DLG2: variants seen among roughly 807,000 people sequenced by gnomAD.
The protein encoded by DLG2 is discs large MAGUK scaffold protein 2.
Under a neutral mutation model 132.5 loss-of-function variants are expected in DLG2, and 45 were observed. The ratio of observed to expected loss-of-function variants is 0.34; its 90% CI spans 0.27 to 0.44. The LOEUF is 0.44. Among genes scored for constraint, DLG2 ranks in the 20% least tolerant of loss-of-function variants. The probability of loss-of-function intolerance (pLI) is 1.00; values close to 1 mark genes in which losing one functional copy is unlikely to be tolerated. For missense variants in DLG2, 1,045 were observed against 1,196.9 expected, an observed-to-expected ratio of 0.87 and a Z score of 1.87; for synonymous variants, 424 against 419.6, an observed-to-expected ratio of 1.01 and a Z score of -0.13.
At chr11:84,243,138 C>T (rs2097257921) in intron 8 of DLG2, among the ~76,000 whole-genome samples, 2 of 151,930 alleles carry the variant, frequency 1.3e-5, no homozygotes, top group South Asian at 2.1e-4. Context: ...TTGCCTACAA[C>T]AGCTCTGTCT....
At chr11:85,474,239 AC>A (rs1309697496) in intron 3 of DLG2, among the ~76,000 whole-genome samples, 7 of 152,032 alleles carry the variant, frequency 4.6e-5, no homozygotes, top group African/African-American at 1.7e-4. Flanking sequence ...AGACTAATTT[AC>A]CAAAAAAATA....
intron 7 of DLG2, among the ~76,000 whole-genome samples, chr11:84,468,492 T>G (rs1231432224): frequency 6.6e-6 from 1 of 151,510 alleles, no homozygotes; most frequent in Non-Finnish European, 1.5e-5. Flanking sequence ...CTGCAATGAT[T>G]TAACACACCA....
intron 6 of DLG2, among the ~76,000 whole-genome samples, chr11:84,877,512 C>CTTTTTTTTTTTTTTTTTTT (rs60339036): frequency 1.6e-4 from 9 of 57,452 alleles, no homozygotes; most frequent in Middle Eastern, 0.025. Flanking sequence ...GCAACCCCTG[C>CTTTTTTTTTTTTTTTTTTT]TTTTTTTTTT....
chr11:84,874,671 G>A (rs534348251), intron 6 of DLG2, among the ~76,000 whole-genome samples: 3 of 152,266 alleles, frequency 2.0e-5, no homozygotes, highest in African/African-American at 7.2e-5. Flanking sequence ...ATTCATGTGA[G>A]AGATGATTCC....
intron 18 of DLG2, among the ~76,000 whole-genome samples, chr11:83,743,835 G>A (rs12792825): frequency 0.041 from 6,242 of 152,174 alleles, 183 homozygotes; most frequent in Middle Eastern, 0.096. Context: ...GGGATTACAC[G>A]AATGAAAACA....
At chr11:83,657,910 T>TA (rs966165400) in intron 18 of DLG2, among the ~76,000 whole-genome samples, 1 of 152,138 alleles carries the variant, frequency 6.6e-6, no homozygotes, top group Non-Finnish European at 1.5e-5. Flanking sequence ...TAGTTGCCTA[T>TA]AAAAAATAGA....
At chr11:84,011,273 C>A (rs1418743434) in intron 11 of DLG2, among the ~76,000 whole-genome samples, 4 of 151,868 alleles carry the variant, frequency 2.6e-5, no homozygotes, top group African/African-American at 7.3e-5. Flanking sequence ...GAGTTTAGAC[C>A]AGCCTGGGCA....
chr11:84,009,443 T>G (rs2094760231), intron 11 of DLG2, among the ~76,000 whole-genome samples: 1 of 152,114 alleles, frequency 6.6e-6, no homozygotes, highest in Non-Finnish European at 1.5e-5. Context: ...CTTCCTATTC[T>G]TTATATGGTA....
chr11:84,744,777 G>A (rs754974987), intron 6 of DLG2, among the ~76,000 whole-genome samples: 1 of 151,552 alleles, frequency 6.6e-6, no homozygotes, highest in Non-Finnish European at 1.5e-5. Flanking sequence ...AAATAAATAA[G>A]TCTGATGGGA....
chr11:83,930,592 A>C, intron 14 of DLG2, 109 bp from the exon 15 acceptor site: 1 of 1,171,406 alleles, frequency 8.5e-7, no homozygotes. Flanking sequence ...ATGCCATTTT[A>C]TCTTGATTTG....
intron 18 of DLG2, among the ~76,000 whole-genome samples, chr11:83,745,340 G>T (rs1185323577): frequency 6.6e-6 from 1 of 152,092 alleles, no homozygotes; most frequent in African/African-American, 2.4e-5. Flanking sequence ...CATTGATTTA[G>T]CTTTCTTCTG....
intron 6 of DLG2, among the ~76,000 whole-genome samples, chr11:85,034,448 A>G (rs1301284852): frequency 3.9e-5 from 6 of 152,182 alleles, no homozygotes; most frequent in Non-Finnish European, 8.8e-5. Flanking sequence ...TTCAGATCCT[A>G]TGTCAGCATA....
chr11:84,385,309 A>G (rs144425308), intron 7 of DLG2, among the ~76,000 whole-genome samples: 11 of 152,206 alleles, frequency 7.2e-5, no homozygotes, highest in Admixed American at 5.9e-4. Flanking sequence ...CACAGCCCCA[A>G]ATGAATATTA....
At chr11:83,668,848 C>CATATATAT (rs1215231776) in intron 18 of DLG2, among the ~76,000 whole-genome samples, 1 of 105,092 alleles carries the variant, frequency 9.5e-6, no homozygotes, top group African/African-American at 5.0e-5. Context: ...AACACACACA[C>CATATATAT]ACATATATAT....
intron 3 of DLG2, among the ~76,000 whole-genome samples, chr11:85,560,276 T>G (rs1040474807): frequency 6.6e-6 from 1 of 151,880 alleles, no homozygotes; most frequent in Admixed American, 6.6e-5. Flanking sequence ...ACCAGGACAT[T>G]TATACAAATG....
intron 6 of DLG2, among the ~76,000 whole-genome samples, chr11:84,873,946 C>G (rs947205770): frequency 6.6e-6 from 1 of 152,112 alleles, no homozygotes; most frequent in Non-Finnish European, 1.5e-5. Flanking sequence ...CAAATCTGAA[C>G]GACATCACCC....
chr11:84,851,971 A>T (rs2082217874), intron 6 of DLG2, among the ~76,000 whole-genome samples: 1 of 152,014 alleles, frequency 6.6e-6, no homozygotes, highest in Non-Finnish European at 1.5e-5. Context: ...GAACATGTCA[A>T]AAATCATTAA....
chr11:84,527,077 C>A (rs1041547990), intron 7 of DLG2, among the ~76,000 whole-genome samples: 1 of 151,938 alleles, frequency 6.6e-6, no homozygotes, highest in Non-Finnish European at 1.5e-5. Context: ...CGCTCCCGGC[C>A]CCACTGGGGG....
In DLG2 at chr11:84,659,849, C is replaced by T. The variant is rs73511199; in HGVS notation, c.358-125118G>A. The stretch of plus-strand genomic sequence containing the variant: ...AACTCAGTGAAAGCTGTTATATTCA[C>T]GACTACAGTTTATTAAAGGAAAAAA... On this transcript the variant is annotated intron_variant, in intron 6 of 27. Coordinates refer to ENST00000376104, the MANE Select transcript of DLG2 (RefSeq NM_001142699.3). Among the ~76,000 whole-genome samples, 254 of 152,146 alleles carry T rather than the reference C, an allele frequency of 1.7e-3. 1 individual carries two copies. Among genetic ancestry groups the T allele is most frequent in the African/African-American group, 5.7e-3 (237 of 41,528 alleles).
Sources: gnomAD v4.1 joint callset for allele counts (sites outside exome capture counted in the v4.1 genomes callset) on GRCh38, gnomAD v4.1.1 for gene constraint, MANE v1.5 for transcripts, NCBI Gene and HGNC (gene_info 2026-07-23, HGNC 2026-07-21) for gene names.